The following DTWD2 variants were observed in gnomAD, a reference collection of about 807,000 sequenced individuals.
DTWD2 encodes DTW motif tRNA-uridine aminocarboxypropyltransferase 2.
A neutral mutation model predicts 31.8 loss-of-function variants in DTWD2; 39 were observed. The ratio of observed to expected loss-of-function variants is 1.22; its 90% confidence interval spans 0.95 to 1.60. DTWD2 has a LOEUF of 1.60. Among genes scored for constraint, DTWD2 ranks in the 40% most tolerant of loss-of-function variants. DTWD2 has a pLI of 0.00. For missense variants in DTWD2, 515 were observed against 381.5 expected (o/e 1.35, Z -2.92); for synonymous variants, 180 against 142.8 (o/e 1.26, Z -1.86).
intron 4 of DTWD2, among the ~76,000 whole-genome samples, chr5:118,878,190 G>A (rs1209880831): frequency 6.6e-6 from 1 of 152,122 alleles, no homozygotes; most frequent in African/African-American, 2.4e-5. Context: ...CCAAAAAAGA[G>A]CCCAAATAGC....
At chr5:118,904,616 C>T (rs747698147) in intron 4 of DTWD2, among the ~76,000 whole-genome samples, 22 of 151,672 alleles carry the variant, frequency 1.5e-4, no homozygotes, top group Non-Finnish European at 2.5e-4. Context: ...GTAGTATCTC[C>T]CCTGAATTTG....
intron 1 of DTWD2, among the ~76,000 whole-genome samples, chr5:118,956,259 G>A (rs571229112): frequency 6.6e-6 from 1 of 152,054 alleles, no homozygotes; most frequent in South Asian, 2.1e-4. Flanking sequence ...GTATTTTTCC[G>A]CTCATCGGGG....
intron 4 of DTWD2, among the ~76,000 whole-genome samples, chr5:118,882,485 G>A (rs1752762900): frequency 6.6e-6 from 1 of 152,216 alleles, no homozygotes; most frequent in Non-Finnish European, 1.5e-5. Flanking sequence ...GACTCTGTGT[G>A]GGGGCTCCAA....
intron 4 of DTWD2, among the ~76,000 whole-genome samples, chr5:118,890,156 GGGCAGAGAGGTAATTT>G (rs1752947763): frequency 6.6e-6 from 1 of 152,126 alleles, no homozygotes; most frequent in African/African-American, 2.4e-5. Context: ...AGGAAACTAA[GGGCAGAGAGGTAATTT>G]GCCATGTCAA....
At chr5:118,943,417 G>C (rs548751382) in intron 2 of DTWD2, among the ~76,000 whole-genome samples, 1 of 152,268 alleles carries the variant, frequency 6.6e-6, no homozygotes, top group Admixed American at 6.5e-5. Context: ...CGGGCGTTGT[G>C]GTGGGCGCCT....
intron 4 of DTWD2, among the ~76,000 whole-genome samples, chr5:118,860,873 G>A (rs1752245025): frequency 1.3e-5 from 2 of 152,028 alleles, no homozygotes; most frequent in South Asian, 4.1e-4. Context: ...TTCACTTTTA[G>A]AAATGATTTT....
chr5:118,851,368 G>T (rs188676571), intron 4 of DTWD2, among the ~76,000 whole-genome samples: 3 of 151,714 alleles, frequency 2.0e-5, no homozygotes, highest in Admixed American at 2.0e-4. Flanking sequence ...CATCTGGGCC[G>T]CCGGGGGCAA....
At position 118,841,094 on chromosome 5, in the gene DTWD2, A is replaced by G. The variant is rs2112664908; in HGVS notation, c.727-7T>C. On this transcript the variant is annotated splice_region_variant and splice_polypyrimidine_tract_variant and intron_variant, in intron 5 of 5. Coordinates refer to ENST00000510708, the MANE Select transcript of DTWD2 (RefSeq NM_173666.4). The stretch of plus-strand genomic sequence containing the variant: ...GAAGAGGGCGAAGCAAAGTCTGTCA[A>G]GAGAAAAAAGACACTAAAAAAGTAT... 1 of 1,600,742 alleles carries G rather than the reference A, an allele frequency of 6.2e-7. No individual in the cohort carries two copies. Among genetic ancestry groups the G allele is most frequent in the Non-Finnish European group, 8.5e-7 (1 of 1,172,910 alleles).
intron 4 of DTWD2, among the ~76,000 whole-genome samples, chr5:118,850,837 C>A (rs1751983852): frequency 6.6e-6 from 1 of 151,980 alleles, no homozygotes; most frequent in African/African-American, 2.4e-5. Context: ...CAAAGAACCC[C>A]ATTAAAATGT....
chr5:118,884,078 T>G (rs1752801946), intron 4 of DTWD2, among the ~76,000 whole-genome samples: 1 of 152,194 alleles, frequency 6.6e-6, no homozygotes, highest in African/African-American at 2.4e-5. Flanking sequence ...AAAAGAAACA[T>G]GAAGACTATG....
intron 1 of DTWD2, among the ~76,000 whole-genome samples, chr5:118,957,223 G>GT (rs1754606669): frequency 6.6e-6 from 1 of 151,752 alleles, no homozygotes; most frequent in Non-Finnish European, 1.5e-5. Flanking sequence ...ATATACTGTT[G>GT]TGATTTTTTT....
chr5:118,889,495 A>G (rs1435274597), intron 4 of DTWD2, among the ~76,000 whole-genome samples: 2 of 152,184 alleles, frequency 1.3e-5, no homozygotes, highest in African/African-American at 4.8e-5. Flanking sequence ...AAAGCAAAAC[A>G]GCAGATACTT....
chr5:118,903,026 G>A (rs995930876), intron 4 of DTWD2, among the ~76,000 whole-genome samples: 3 of 151,594 alleles, frequency 2.0e-5, no homozygotes, highest in African/African-American at 7.3e-5. Flanking sequence ...AAATTTCTAT[G>A]TTTTCAACTT....
chr5:118,925,567 C>G lies in DTWD2; in HGVS notation c.597+2970G>C, dbSNP rs564264256. 5.8e-4 allele frequency among the ~76,000 whole-genome samples: 89 copies of G among 152,232 alleles called. No homozygotes were observed. In the South Asian group the frequency reaches 0.012, roughly 21 times the overall value. ...ATTCCTTAAAGAACTAAAAGTAGGCCAGGCACGGTGGCTCATGCCTGTAAT... is the reference window on the plus strand; with the variant it reads ...ATTCCTTAAAGAACTAAAAGTAGGCGAGGCACGGTGGCTCATGCCTGTAAT... On this transcript the variant is annotated intron_variant, in intron 4 of 5. Transcript: ENST00000510708.
At chr5:118,955,064 C>A (rs577564475) in intron 1 of DTWD2, among the ~76,000 whole-genome samples, 2 of 152,212 alleles carry the variant, frequency 1.3e-5, no homozygotes, top group South Asian at 4.1e-4. Context: ...AAAATATTTA[C>A]TGAAGAAAAC....
intron 1 of DTWD2, among the ~76,000 whole-genome samples, chr5:118,962,754 C>A (rs190876821): frequency 1.4e-3 from 209 of 152,300 alleles, no homozygotes; most frequent in Non-Finnish European, 2.7e-3. Flanking sequence ...TTAATTCTCA[C>A]AAAACCTGTC....
intron 3 of DTWD2, among the ~76,000 whole-genome samples, chr5:118,929,414 A>C (rs1433868013): frequency 6.6e-6 from 1 of 152,150 alleles, no homozygotes; most frequent in Non-Finnish European, 1.5e-5. Context: ...AACTGTGTTC[A>C]AATAAGGCAC....
At chr5:118,842,414 T>C (rs979333461) in intron 5 of DTWD2, among the ~76,000 whole-genome samples, 2 of 152,058 alleles carry the variant, frequency 1.3e-5, no homozygotes, top group Non-Finnish European at 1.5e-5. Context: ...AAAATAACTG[T>C]TGAAGGTAGG....
At chr5:118,850,414 G>A (rs1048554926) in intron 4 of DTWD2, among the ~76,000 whole-genome samples, 1 of 134,970 alleles carries the variant, frequency 7.4e-6, no homozygotes, top group African/African-American at 2.7e-5. Context: ...GGAGGCAGAG[G>A]TTGCAGTGAG....
Sources: allele counts gnomAD v4.1 joint callset (sites outside exome capture counted in the v4.1 genomes callset), GRCh38; gene constraint gnomAD v4.1.1; transcripts MANE v1.5; gene names NCBI Gene and HGNC (gene_info 2026-07-23, HGNC 2026-07-21).